The following KIAA1217 variants were observed in gnomAD, a reference collection of about 807,000 sequenced individuals.
The protein encoded by KIAA1217 is KIAA1217.
Under a neutral mutation model 163.9 loss-of-function variants are expected in KIAA1217, and 88 were observed. The ratio of observed to expected loss-of-function variants is 0.54; its 90% CI spans 0.45 to 0.64. KIAA1217 has a LOEUF of 0.64. Ranked by LOEUF, KIAA1217 falls within the 30% of genes least tolerant of loss-of-function variation. The pLI, the probability that KIAA1217 is intolerant of heterozygous loss-of-function variation, is 0.00. For synonymous variants in KIAA1217, 903 were observed against 923.1 expected, an observed-to-expected ratio of 0.98 and a Z score of 0.39; for missense variants, 2,372 against 2,475.0, an observed-to-expected ratio of 0.96 and a Z score of 0.88.
chr10:23,742,847 A>G (rs1839194561), intron 1 of KIAA1217, among the ~76,000 whole-genome samples: 1 of 152,244 alleles, frequency 6.6e-6, no homozygotes, highest in Non-Finnish European at 1.5e-5. Context: ...AGAAATTCCC[A>G]TTGGGTGGGC....
intron 1 of KIAA1217, among the ~76,000 whole-genome samples, chr10:23,777,393 G>A (rs894649261): frequency 6.6e-6 from 1 of 152,162 alleles, no homozygotes; most frequent in African/African-American, 2.4e-5. Flanking sequence ...TGAAGTGTTT[G>A]TGTGTTAGAG....
At chr10:23,967,384 A>C (rs1470734714) in intron 1 of KIAA1217, among the ~76,000 whole-genome samples, 1 of 152,166 alleles carries the variant, frequency 6.6e-6, no homozygotes, top group Non-Finnish European at 1.5e-5. Context: ...ACAGAAGGAG[A>C]CATATTTGCA....
chr10:24,346,445 C>T (rs1302932165), intron 2 of KIAA1217, among the ~76,000 whole-genome samples: 2 of 151,946 alleles, frequency 1.3e-5, no homozygotes, highest in Admixed American at 6.6e-5. Flanking sequence ...GCACTCCAGC[C>T]TGGGGGACAG....
At chr10:23,835,585 G>T (rs1333508724) in intron 1 of KIAA1217, among the ~76,000 whole-genome samples, 5 of 151,962 alleles carry the variant, frequency 3.3e-5, no homozygotes, top group African/African-American at 7.3e-5. Flanking sequence ...TTTCTATTTG[G>T]TCACATTGGT....
At chr10:24,154,300 C>T (rs1311551209) in intron 2 of KIAA1217, among the ~76,000 whole-genome samples, 1 of 151,936 alleles carries the variant, frequency 6.6e-6, no homozygotes, top group Non-Finnish European at 1.5e-5. Flanking sequence ...TGGTGACACA[C>T]GCCTGTGTCC....
At chr10:23,906,428 G>A (rs546664073) in intron 1 of KIAA1217, among the ~76,000 whole-genome samples, 3 of 152,230 alleles carry the variant, frequency 2.0e-5, no homozygotes, top group African/African-American at 7.2e-5. Flanking sequence ...GAGAAGTAGA[G>A]AAAGAAATTT....
At chr10:23,854,873 C>G (rs962853101) in intron 1 of KIAA1217, among the ~76,000 whole-genome samples, 2 of 152,076 alleles carry the variant, frequency 1.3e-5, no homozygotes, top group African/African-American at 4.8e-5. Flanking sequence ...CTTGGTAGAT[C>G]TTCCTCCATC....
intron 2 of KIAA1217, among the ~76,000 whole-genome samples, chr10:24,331,688 G>A (rs762752129): frequency 6.6e-6 from 1 of 152,230 alleles, no homozygotes; most frequent in Admixed American, 6.5e-5. Flanking sequence ...GGAAAGCTCA[G>A]GCAGGAAATG....
At chr10:24,444,537 T>G (rs2132122264) in intron 5 of KIAA1217, among the ~76,000 whole-genome samples, 1 of 152,358 alleles carries the variant, frequency 6.6e-6, no homozygotes, top group South Asian at 2.1e-4. Context: ...ATGATTCATC[T>G]TCACGTCCCT....
chr10:24,174,906 G>T (rs994524483), intron 2 of KIAA1217, among the ~76,000 whole-genome samples: 1 of 152,074 alleles, frequency 6.6e-6, no homozygotes, highest in African/African-American at 2.4e-5. Context: ...CACCCAGGCT[G>T]GAGTGCAGTG....
intron 2 of KIAA1217, among the ~76,000 whole-genome samples, chr10:24,119,500 G>A (rs985798531): frequency 3.3e-5 from 5 of 152,256 alleles, no homozygotes; most frequent in Admixed American, 2.0e-4. Flanking sequence ...ATAAAAATAC[G>A]TCAAACTGCT....
intron 1 of KIAA1217, among the ~76,000 whole-genome samples, chr10:23,743,372 G>C (rs1013632346): frequency 6.6e-6 from 1 of 152,130 alleles, no homozygotes; most frequent in Non-Finnish European, 1.5e-5. Context: ...CCAGGCATGT[G>C]ATATGTACTA....
chr10:24,080,353 A>G (rs1001834839), intron 2 of KIAA1217, among the ~76,000 whole-genome samples: 1 of 152,112 alleles, frequency 6.6e-6, no homozygotes, highest in African/African-American at 2.4e-5. Flanking sequence ...TTTATTTAAG[A>G]AGACGGAACA....
chr10:24,425,502 T>C lies in KIAA1217; in HGVS notation c.554-7493T>C, dbSNP rs1416952047. Among the ~76,000 whole-genome samples, 4 of 152,248 alleles carry C rather than the reference T, an allele frequency of 2.6e-5. No homozygotes were observed. In the East Asian group the frequency reaches 7.7e-4, roughly 29 times the overall value. On this transcript the variant is annotated intron_variant, in intron 3 of 20. Coordinates refer to ENST00000376454, the MANE Select transcript of KIAA1217 (RefSeq NM_019590.5). ...GGTGATTAATTGATTTGTATAAATC[T>C]AGTTCCTTTCTGTTTTATGATATGC... is the stretch of plus-strand genomic sequence containing the variant.
At chr10:23,818,110 C>CAG (rs148525808) in intron 1 of KIAA1217, among the ~76,000 whole-genome samples, 1 of 130,844 alleles carries the variant, frequency 7.6e-6, no homozygotes, top group African/African-American at 3.0e-5. Context: ...CACACACACA[C>CAG]ATATATATAT....
At position 24,037,129 on chromosome 10, in the gene KIAA1217, G is replaced by A. The variant is rs540434935; in HGVS notation, c.-171+29755G>A. ...AGTGTGTTGAATCCTGCTAGGATTA[G>A]GTCATTGTGGGGAGATACTAGCCTA... is the stretch of plus-strand genomic sequence containing the variant. On this transcript the variant is annotated intron_variant, in intron 2 of 18. Coordinates refer to the KIAA1217 transcript ENST00000376462. Among the ~76,000 whole-genome samples, 11 of 152,172 alleles carry A rather than the reference G, an allele frequency of 7.2e-5. 1 individual carries two copies. Among genetic ancestry groups the A allele is most frequent in the Admixed American group, 7.2e-4 (11 of 15,268 alleles).
intron 2 of KIAA1217, among the ~76,000 whole-genome samples, chr10:24,069,697 G>GAATTTTACA (rs1311392688): frequency 2.4e-4 from 36 of 152,198 alleles, no homozygotes; most frequent in Middle Eastern, 3.4e-3. Context: ...CTAGTTCCTG[G>GAATTTTACA]AATTTTACAA....
intron 2 of KIAA1217, among the ~76,000 whole-genome samples, chr10:24,372,951 G>T (rs920258748): frequency 1.3e-5 from 2 of 152,116 alleles, no homozygotes; most frequent in Non-Finnish European, 2.9e-5. Context: ...ATCTATCCTG[G>T]CTTCAGCAAT....
At chr10:24,158,018 ATGAG>A (rs1231172995) in intron 2 of KIAA1217, 1 of 768,172 alleles carries the variant, frequency 1.3e-6, no homozygotes, top group South Asian at 1.4e-5. Flanking sequence ...AGTAGTGGAA[ATGAG>A]ATCACCTTTA....
Sources: allele counts gnomAD v4.1 joint callset (sites outside exome capture counted in the v4.1 genomes callset), GRCh38; gene constraint gnomAD v4.1.1; transcripts MANE v1.5; gene names NCBI Gene and HGNC (gene_info 2026-07-23, HGNC 2026-07-21).